The following CHRM3 variants were observed in gnomAD, a reference collection of about 807,000 sequenced individuals.
The protein encoded by CHRM3 is cholinergic receptor muscarinic 3, also known as muscarinic acetylcholine receptor M3.
Under a neutral mutation model 41.8 loss-of-function variants are expected in CHRM3, and 11 were observed. The ratio of observed to expected loss-of-function variants is 0.26; its 90% CI spans 0.17 to 0.44. The LOEUF (loss-of-function observed/expected upper bound fraction) is 0.44. Ranked by LOEUF, CHRM3 falls within the 20% of genes least tolerant of loss-of-function variation. The probability of loss-of-function intolerance (pLI) is 1.00; values close to 1 mark genes in which losing one functional copy is unlikely to be tolerated. For synonymous variants in CHRM3, 297 were observed against 301.4 expected (o/e 0.99, Z 0.15); for missense variants, 571 against 745.4 (o/e 0.77, Z 2.72).
intron 3 of CHRM3, among the ~76,000 whole-genome samples, chr1:239,575,981 T>C (rs575693654): frequency 1.3e-5 from 2 of 152,230 alleles, no homozygotes; most frequent in South Asian, 4.1e-4. Flanking sequence ...CTACCCCTGG[T>C]GACTGACCAC....
chr1:239,623,234 G>A (rs12074325), intron 3 of CHRM3, among the ~76,000 whole-genome samples: 8,426 of 150,508 alleles, frequency 0.056, 269 homozygotes, highest in Middle Eastern at 0.11. Flanking sequence ...TTTACATTAG[G>A]TATATCTCCT....
intron 5 of CHRM3, among the ~76,000 whole-genome samples, chr1:239,721,385 A>G (rs1011263851): frequency 2.0e-5 from 3 of 151,948 alleles, no homozygotes; most frequent in African/African-American, 7.2e-5. Flanking sequence ...GATGGAGAGA[A>G]TGAGAAACAA....
At chr1:239,713,433 A>G (rs1200507632) in intron 5 of CHRM3, among the ~76,000 whole-genome samples, 1 of 152,196 alleles carries the variant, frequency 6.6e-6, no homozygotes, top group Admixed American at 6.5e-5. Context: ...TGAGGAATTA[A>G]AATAGGTATG....
At chr1:239,734,251 T>C (rs1223369445) in intron 5 of CHRM3, among the ~76,000 whole-genome samples, 2 of 152,024 alleles carry the variant, frequency 1.3e-5, no homozygotes, top group African/African-American at 2.4e-5. Flanking sequence ...ATGTTCAGGA[T>C]GAGTGTAGAG....
At chr1:239,863,871 T>C (rs1337732245) in intron 6 of CHRM3, among the ~76,000 whole-genome samples, 1 of 152,002 alleles carries the variant, frequency 6.6e-6, no homozygotes, top group Non-Finnish European at 1.5e-5. Flanking sequence ...ATCCTAAGTA[T>C]AACAGTAACA....
At chr1:239,594,362 A>G (rs1216843854) in intron 3 of CHRM3, among the ~76,000 whole-genome samples, 2 of 152,226 alleles carry the variant, frequency 1.3e-5, no homozygotes, top group African/African-American at 4.8e-5. Context: ...ATGCACTGGC[A>G]AAGAATACAT....
At chr1:239,562,850 T>G (rs957114686) in intron 3 of CHRM3, among the ~76,000 whole-genome samples, 1 of 141,430 alleles carries the variant, frequency 7.1e-6, no homozygotes, top group African/African-American at 2.7e-5. Context: ...GTCGCGCCAC[T>G]GCACTCCAGC....
At chr1:239,493,178 T>A (rs986322149) in intron 2 of CHRM3, among the ~76,000 whole-genome samples, 2 of 152,238 alleles carry the variant, frequency 1.3e-5, no homozygotes, top group Admixed American at 6.5e-5. Flanking sequence ...TTTCTTTTAA[T>A]ATGATGAAAT....
intron 3 of CHRM3, among the ~76,000 whole-genome samples, chr1:239,602,108 G>GTATATATA (rs1293974734): frequency 1.6e-3 from 207 of 129,322 alleles, no homozygotes; most frequent in African/African-American, 6.8e-3. Context: ...GTGTGTGTGT[G>GTATATATA]TGTATATATA....
At chr1:239,599,671 C>G (rs182202226) in intron 3 of CHRM3, among the ~76,000 whole-genome samples, 1 of 152,130 alleles carries the variant, frequency 6.6e-6, no homozygotes, top group South Asian at 2.1e-4. Context: ...TTTAATACAT[C>G]TAGCCTACCA....
intron 2 of CHRM3, among the ~76,000 whole-genome samples, chr1:239,529,442 T>A (rs1670214969): frequency 6.6e-6 from 1 of 151,694 alleles, no homozygotes; most frequent in Non-Finnish European, 1.5e-5. Context: ...TGAATGCCTG[T>A]CTCTACCAAA....
chr1:239,668,884 G>C (rs1196941371), intron 4 of CHRM3, among the ~76,000 whole-genome samples: 3 of 152,170 alleles, frequency 2.0e-5, no homozygotes, highest in Non-Finnish European at 4.4e-5. Context: ...AGAGATAATA[G>C]GATTAGGAGA....
intron 4 of CHRM3, among the ~76,000 whole-genome samples, chr1:239,639,518 T>C (rs1670866092): frequency 6.6e-6 from 1 of 152,192 alleles, no homozygotes; most frequent in Admixed American, 6.5e-5. Flanking sequence ...TTATTGTCTT[T>C]GAATCAATTG....
intron 3 of CHRM3, among the ~76,000 whole-genome samples, chr1:239,590,574 G>T (rs561607159): frequency 6.6e-6 from 1 of 152,030 alleles, no homozygotes; most frequent in Non-Finnish European, 1.5e-5. Flanking sequence ...AAAAATTAGA[G>T]ATTAAAAATT....
chr1:239,476,148 T>G (rs1257288128), intron 1 of CHRM3, among the ~76,000 whole-genome samples: 2 of 152,190 alleles, frequency 1.3e-5, no homozygotes, highest in Admixed American at 6.5e-5. Context: ...TACTGCCACA[T>G]GGGCCTGCAT....
At chr1:239,765,917 A>G (rs1010467781) in intron 5 of CHRM3, among the ~76,000 whole-genome samples, 8 of 151,608 alleles carry the variant, frequency 5.3e-5, no homozygotes, top group Admixed American at 5.3e-4. Context: ...TCTGGGTTCA[A>G]GCAATTCTCC....
intron 2 of CHRM3, among the ~76,000 whole-genome samples, chr1:239,511,954 C>T (rs1668952174): frequency 6.6e-6 from 1 of 152,078 alleles, no homozygotes; most frequent in African/African-American, 2.4e-5. Flanking sequence ...CTGGTAGGAA[C>T]ATTAATTGAT....
intron 6 of CHRM3, among the ~76,000 whole-genome samples, chr1:239,829,489 AACTT>A (rs1672730668): frequency 6.6e-6 from 1 of 152,150 alleles, no homozygotes; most frequent in African/African-American, 2.4e-5. Context: ...TTATTCCAGC[AACTT>A]TAGTTATAAA....
In CHRM3 at chr1:239,870,773, T is replaced by C. The variant is rs560743582; in HGVS notation, c.-19-36660T>C. 7.9e-5 allele frequency among the ~76,000 whole-genome samples: 12 copies of C among 152,338 alleles called. No individual in the cohort carries two copies. The South Asian group carries it at 2.3e-3, about 29-fold the overall frequency. On this transcript the variant is annotated intron_variant, in intron 6 of 6. Coordinates refer to ENST00000676153, the MANE Select transcript of CHRM3 (RefSeq NM_001375978.1). Reference sequence around the variant, plus strand: ...AAACAGAAGTGCTCTAAGGAGATCATGCTTTTCAAACATTCTCACTGGTGT... The same window carrying C: ...AAACAGAAGTGCTCTAAGGAGATCACGCTTTTCAAACATTCTCACTGGTGT...
Sources: allele counts gnomAD v4.1 joint callset (sites outside exome capture counted in the v4.1 genomes callset), GRCh38; gene constraint gnomAD v4.1.1; transcripts MANE v1.5; gene names NCBI Gene and HGNC (gene_info 2026-07-23, HGNC 2026-07-21).